Variants in CWF19L2 observed in about 807,000 individuals in gnomAD.
The protein encoded by CWF19L2 is CWF19-like protein 2.
Under a neutral mutation model 111.7 loss-of-function variants are expected in CWF19L2, and 98 were observed. That is an observed-to-expected ratio of 0.88 (90% CI 0.75 to 1.04). The LOEUF is 1.04. CWF19L2 is among the 50% of genes least tolerant of loss of function. CWF19L2 has a pLI of 0.00. For synonymous variants in CWF19L2, 351 were observed against 342.9 expected (o/e 1.02, Z -0.26); for missense variants, 1,101 against 1,051.4 (o/e 1.05, Z -0.65).
At position 107,330,747 on chromosome 11, in the gene CWF19L2, G is replaced by A. The variant is rs192640786; in HGVS notation, c.2440-728C>T. 2.9e-3 allele frequency among the ~76,000 whole-genome samples: 441 copies of A among 150,568 alleles called. 14 individuals are homozygous for A. Among genetic ancestry groups the A allele is most frequent in the Admixed American group, 0.027 (402 of 15,110 alleles). On this transcript the variant is annotated intron_variant, in intron 16 of 17. Coordinates refer to ENST00000282251, the MANE Select transcript of CWF19L2 (RefSeq NM_152434.3). The stretch of plus-strand genomic sequence containing the variant: ...AATTCTTGTTTTCTCTATCAATTAA[G>A]TAGATTTTGTGTCCTTGCAAGTTTT...
chr11:107,430,784 G>C (rs528337), intron 7 of CWF19L2, among the ~76,000 whole-genome samples: 27,103 of 151,740 alleles, frequency 0.18, 2,574 homozygotes, highest in Middle Eastern at 0.27. Context: ...ACTAAGCCTG[G>C]AGATACGATG....
chr11:107,454,627 G>A, intron 2 of CWF19L2, 55 bp from the exon 3 acceptor site: 1 of 1,193,080 alleles, frequency 8.4e-7, no homozygotes, highest in Non-Finnish European at 1.1e-6. Context: ...TAATTTAAAA[G>A]GATGTATTCT....
Position 107,454,444 on chromosome 11 carries a change from A to C in CWF19L2, c.339+6T>G. ...GCTGCTTTGATTAATTTTAGTACAT[A>C]CTTACTGATGAGCTATCAGATGACT... On this transcript the variant is annotated splice_donor_region_variant and intron_variant, in intron 3 of 17. Transcript: ENST00000282251. 7.1e-7 allele frequency: 1 copy of C among 1,407,682 alleles called. No individual in the cohort carries two copies. Among genetic ancestry groups the C allele is most frequent in the East Asian group, 2.7e-5 (1 of 36,522 alleles). 87.2% of individuals were successfully genotyped at this position (1,407,682 alleles called of 1,614,324 possible).
At chr11:107,423,453 G>A (rs1398516482) in intron 8 of CWF19L2, among the ~76,000 whole-genome samples, 1 of 151,860 alleles carries the variant, frequency 6.6e-6, no homozygotes, top group African/African-American at 2.4e-5. Context: ...CTATGAAGTC[G>A]CTTTCTCCAG....
intron 12 of CWF19L2, among the ~76,000 whole-genome samples, chr11:107,389,445 C>T (rs1860816916): frequency 6.6e-6 from 1 of 152,130 alleles, no homozygotes; most frequent in South Asian, 2.1e-4. Context: ...ATAGGGGTCA[C>T]AGTTTGCCAA....
Position 107,367,777 on chromosome 11 carries a change from T to C in CWF19L2, c.1873-14041A>G, listed in dbSNP as rs1319545862. Reference sequence around the variant, plus strand: ...TACCAGCATGGCACATGTATACATATGTAACTAACGTGCACAATGTGCACA... The same window carrying C: ...TACCAGCATGGCACATGTATACATACGTAACTAACGTGCACAATGTGCACA... On this transcript the variant is annotated intron_variant, in intron 12 of 17. Transcript: ENST00000282251. Among the ~76,000 whole-genome samples, 4 of 133,724 alleles carry C rather than the reference T, an allele frequency of 3.0e-5. 1 individual carries two copies. Among genetic ancestry groups the C allele is most frequent in the Non-Finnish European group, 6.3e-5 (4 of 63,222 alleles). The allele number at this position is 133,724 out of a possible 152,430, so 87.7% of individuals were successfully genotyped here.
At chr11:107,436,961 A>G (rs1483343227) in intron 6 of CWF19L2, among the ~76,000 whole-genome samples, 3 of 152,210 alleles carry the variant, frequency 2.0e-5, no homozygotes, top group African/African-American at 7.2e-5. Context: ...AAATTGTACA[A>G]ATATTCCCAT....
chr11:107,444,631 A>G (rs1466099691), intron 3 of CWF19L2, among the ~76,000 whole-genome samples: 3 of 152,174 alleles, frequency 2.0e-5, no homozygotes, highest in African/African-American at 7.2e-5. Flanking sequence ...AATTTGTCTA[A>G]CCAAAGTTTC....
At position 107,353,525 on chromosome 11, in the gene CWF19L2, T is replaced by C; in HGVS notation, c.2084A>G (p.Lys695Arg). 1 of 1,610,996 alleles carries C rather than the reference T, an allele frequency of 6.2e-7. No homozygotes were observed. The highest frequency in any genetic ancestry group is 1.1e-5 in the South Asian group (1 of 91,010). Residue 695 changes from lysine (K) to arginine (R), a missense_variant and splice_region_variant, in exon 13 of 18, where the codon AAG becomes AGG. By Grantham distance (26) the Lys-to-Arg change is conservative. Coordinates refer to ENST00000282251, the MANE Select transcript of CWF19L2 (RefSeq NM_152434.3). The part of the protein sequence containing the change: ...PKHLIVAIGV[K>R]VYLCLPNVRS... Reference sequence around the variant, plus strand: ...CAAAGGATAATAAATACTTCTTACCTTAACACCTATTGCAACAATAAGATG... The same window carrying C: ...CAAAGGATAATAAATACTTCTTACCCTAACACCTATTGCAACAATAAGATG...
At chr11:107,419,495 T>C (rs1331610193) in intron 8 of CWF19L2, among the ~76,000 whole-genome samples, 9 of 151,958 alleles carry the variant, frequency 5.9e-5, no homozygotes, top group Non-Finnish European at 5.9e-5. Flanking sequence ...TAGAACAAAA[T>C]GCTATCAGTC....
chr11:107,337,147 A>T (rs993200953), intron 14 of CWF19L2, among the ~76,000 whole-genome samples: 2 of 152,224 alleles, frequency 1.3e-5, no homozygotes, highest in Non-Finnish European at 2.9e-5. Context: ...TCCTATGCTC[A>T]TAGCATCTGC....
At chr11:107,455,476 G>C (rs1861840807) in intron 2 of CWF19L2, among the ~76,000 whole-genome samples, 190 bp downstream of exon 2, 1 of 152,158 alleles carries the variant, frequency 6.6e-6, no homozygotes, top group Non-Finnish European at 1.5e-5. Flanking sequence ...CAAAACTTGA[G>C]TCATAATGTC....
At chr11:107,348,736 G>A (rs1430750186) in intron 14 of CWF19L2, 1 of 316,966 alleles carries the variant, frequency 3.2e-6, no homozygotes, top group Non-Finnish European at 5.9e-6. Context: ...TAGATAAAAG[G>A]TCTCAAAATC....
At chr11:107,382,458 G>C (rs190822135) in intron 12 of CWF19L2, among the ~76,000 whole-genome samples, 1 of 152,318 alleles carries the variant, frequency 6.6e-6, no homozygotes, top group East Asian at 1.9e-4. Context: ...TCCCTCAGCT[G>C]TAAGATGTGA....
chr11:107,334,392 A>T (rs910601165), intron 16 of CWF19L2, among the ~76,000 whole-genome samples: 5 of 152,226 alleles, frequency 3.3e-5, no homozygotes, highest in Non-Finnish European at 5.9e-5. Context: ...CAAGTCTCCA[A>T]AAGAACCCAC....
chr11:107,442,893 G>GAAGGAAGA (rs2135422667), intron 4 of CWF19L2, 46 bp downstream of exon 4: 1 of 1,206,712 alleles, frequency 8.3e-7, no homozygotes, highest in Non-Finnish European at 1.2e-6. Context: ...AGGAAGGAAG[G>GAAGGAAGA]AAGGAAGGAA....
rs1269866271 is a variant in CWF19L2 at position 107,375,423 on chromosome 11, C to T, written c.1872+14651G>A. On this transcript the variant is annotated intron_variant, in intron 12 of 17. Coordinates refer to ENST00000282251, the MANE Select transcript of CWF19L2 (RefSeq NM_152434.3). ...GAACAGAAATTATAACAAATTCTCTCTCAGACCACAGTGCAATCAAACTAG... is the reference window on the plus strand; with the variant it reads ...GAACAGAAATTATAACAAATTCTCTTTCAGACCACAGTGCAATCAAACTAG... 1.4e-5 allele frequency among the ~76,000 whole-genome samples: 2 copies of T among 139,260 alleles called. 1 individual carries two copies. Among genetic ancestry groups the T allele is most frequent in the African/African-American group, 5.6e-5 (2 of 35,768 alleles). The allele number at this position is 139,260 out of a possible 152,430, so 91.4% of individuals were successfully genotyped here.
intron 12 of CWF19L2, among the ~76,000 whole-genome samples, chr11:107,363,310 G>A (rs967429157): frequency 6.6e-6 from 1 of 152,096 alleles, no homozygotes; most frequent in African/African-American, 2.4e-5. Context: ...TCAGATTCAG[G>A]AAGTACAGAG....
chr11:107,346,154 T>C (rs554429119), intron 14 of CWF19L2, among the ~76,000 whole-genome samples: 1 of 152,284 alleles, frequency 6.6e-6, no homozygotes, highest in East Asian at 1.9e-4. Flanking sequence ...ATTTTGACAT[T>C]CAAATTAAAG....
Sources: gnomAD v4.1 joint callset for allele counts (sites outside exome capture counted in the v4.1 genomes callset) on GRCh38, gnomAD v4.1.1 for gene constraint, MANE v1.5 for transcripts, NCBI Gene and HGNC (gene_info 2026-07-23, HGNC 2026-07-21) for gene names.